Variants in C1orf21 observed in about 807,000 individuals in gnomAD.
C1orf21 encodes uncharacterized protein C1orf21.
In C1orf21, 3 loss-of-function variants were observed where a neutral mutation model predicts 18.7. That is an observed-to-expected ratio of 0.16 (90% CI 0.07 to 0.42). The LOEUF is 0.42. Among genes scored for constraint, C1orf21 ranks in the 10% least tolerant of loss-of-function variants. The pLI is 0.99. For synonymous variants in C1orf21, 41 were observed against 46.4 expected (o/e 0.88, Z 0.47); for missense variants, 104 against 143.6 (o/e 0.72, Z 1.41).
intron 2 of C1orf21, among the ~76,000 whole-genome samples, chr1:184,499,893 C>A (rs577871862): frequency 5.9e-5 from 9 of 152,206 alleles, no homozygotes; most frequent in African/African-American, 2.2e-4. Flanking sequence ...GAGTGGTTAC[C>A]AAGGATAACA....
At position 184,520,795 on chromosome 1, in the gene C1orf21, A is replaced by C. The variant is rs1658295687; in HGVS notation, c.189+13113A>C. On this transcript the variant is annotated intron_variant, in intron 3 of 5. Transcript: ENST00000235307. ...CTACTTGCTTGAATTACTTTAAAACATACTTTGGGAAATACAGAAGTGAAT... is the reference window on the plus strand; with the variant it reads ...CTACTTGCTTGAATTACTTTAAAACCTACTTTGGGAAATACAGAAGTGAAT... Among the ~76,000 whole-genome samples the C allele has an allele frequency of 2.0e-5, 3 of 152,254 alleles. No homozygotes were observed. In the South Asian group the frequency reaches 6.2e-4, roughly 31 times the overall value.
chr1:184,397,404 G>A (rs1412733263), intron 1 of C1orf21, among the ~76,000 whole-genome samples: 3 of 152,130 alleles, frequency 2.0e-5, no homozygotes, highest in African/African-American at 7.2e-5. Flanking sequence ...GGCTAACACG[G>A]TGAAACCCCG....
chr1:184,604,433 G>C (rs1459868544), intron 5 of C1orf21, among the ~76,000 whole-genome samples: 2 of 152,178 alleles, frequency 1.3e-5, no homozygotes, highest in East Asian at 3.8e-4. Flanking sequence ...GTTTAGCAGT[G>C]GGCAGGGCTG....
chr1:184,619,286 A>G (rs562229725), intron 5 of C1orf21, among the ~76,000 whole-genome samples: 2 of 152,314 alleles, frequency 1.3e-5, no homozygotes, highest in South Asian at 4.1e-4. Flanking sequence ...ACCAACATAA[A>G]GTAAGGGCTT....
intron 3 of C1orf21, among the ~76,000 whole-genome samples, chr1:184,547,798 A>G (rs1307840836): frequency 1.3e-5 from 2 of 152,222 alleles, no homozygotes; most frequent in East Asian, 3.8e-4. Context: ...GCTCCTCTCT[A>G]GAAAAAAGGT....
intron 5 of C1orf21, among the ~76,000 whole-genome samples, chr1:184,601,589 G>C (rs1659585134): frequency 6.6e-6 from 1 of 152,128 alleles, no homozygotes; most frequent in Non-Finnish European, 1.5e-5. Context: ...ATAAAAAGCA[G>C]GTAGCAGAAA....
At chr1:184,449,385 T>G (rs1283732121) in intron 1 of C1orf21, among the ~76,000 whole-genome samples, 1 of 152,192 alleles carries the variant, frequency 6.6e-6, no homozygotes, top group Non-Finnish European at 1.5e-5. Context: ...GAACTCATCA[T>G]TTTTTATGGC....
At chr1:184,479,137 A>G (rs1041229959) in intron 2 of C1orf21, among the ~76,000 whole-genome samples, 5 of 152,224 alleles carry the variant, frequency 3.3e-5, no homozygotes, top group South Asian at 4.1e-4. Context: ...ACTGGTAACT[A>G]CCTATAGCAT....
intron 1 of C1orf21, among the ~76,000 whole-genome samples, chr1:184,462,799 C>T (rs574798110): frequency 1.3e-4 from 20 of 152,086 alleles, no homozygotes; most frequent in South Asian, 1.0e-3. Context: ...TTATAGTGTT[C>T]GGCCGGGTGT....
chr1:184,415,251 G>A (rs2101964119), intron 1 of C1orf21, among the ~76,000 whole-genome samples: 1 of 152,282 alleles, frequency 6.6e-6, no homozygotes, highest in South Asian at 2.1e-4. Flanking sequence ...CTCTCCTGTT[G>A]GCTTTACTAC....
chr1:184,472,448 T>C (rs1283826998), intron 1 of C1orf21, among the ~76,000 whole-genome samples: 1 of 152,204 alleles, frequency 6.6e-6, no homozygotes, highest in Non-Finnish European at 1.5e-5. Flanking sequence ...GTGCCTTTCT[T>C]GACAGGGAAT....
At chr1:184,461,823 G>A (rs945590477) in intron 1 of C1orf21, among the ~76,000 whole-genome samples, 57 of 151,930 alleles carry the variant, frequency 3.8e-4, no homozygotes, top group African/African-American at 1.4e-3. Flanking sequence ...TATTTTTGCC[G>A]CTGCTGGAAT....
At position 184,618,676 on chromosome 1, in the gene C1orf21, TAAAAGA is replaced by T. The variant is rs549529956; in HGVS notation, c.328-830_328-825del. The stretch of plus-strand genomic sequence containing the variant: ...AAAATGAAACATGTAGTGTGTATTT[TAAAAGA>T]AAAAGAAAAAGTTGAAGGAAACAAA... On this transcript the variant is annotated intron_variant, in intron 5 of 5. Coordinates refer to ENST00000235307, the MANE Select transcript of C1orf21 (RefSeq NM_030806.4). Among the ~76,000 whole-genome samples the T allele has an allele frequency of 2.0e-3, 302 of 147,518 alleles. 2 individuals are homozygous for T. The highest frequency in any genetic ancestry group is 7.2e-3 in the African/African-American group (290 of 40,512).
chr1:184,492,670 G>A (rs1201668878), intron 2 of C1orf21, among the ~76,000 whole-genome samples: 1 of 152,164 alleles, frequency 6.6e-6, no homozygotes, highest in East Asian at 1.9e-4. Flanking sequence ...TTGTATCTCT[G>A]CTTCCACCTT....
At position 184,598,402 on chromosome 1, in the gene C1orf21, A is replaced by T; in HGVS notation, c.268A>T (p.Met90Leu). 2 of 1,613,700 alleles carry T rather than the reference A, an allele frequency of 1.2e-6. No individual in the cohort carries two copies. The highest frequency in any genetic ancestry group is 1.7e-6 in the Non-Finnish European group (2 of 1,179,894). ...ACTTAACTACCCTTTGTTTTTCAGCATGCACATCTCTGAAAGCCAACAAGA... is the reference window on the plus strand; with the variant it reads ...ACTTAACTACCCTTTGTTTTTCAGCTTGCACATCTCTGAAAGCCAACAAGA... ...PGLVHQPRANMHISESQQEFF... is the reference protein window; with the variant it reads ...PGLVHQPRANLHISESQQEFF... The change falls in exon 5 of 6, where the codon ATG becomes TTG. Residue 90 changes from methionine (M) to leucine (L), a missense_variant and splice_region_variant. Physicochemically the swap from Met to Leu is conservative, Grantham distance 15. Coordinates refer to ENST00000235307, the MANE Select transcript of C1orf21 (RefSeq NM_030806.4).
At chr1:184,425,288 G>A (rs901524158) in intron 1 of C1orf21, among the ~76,000 whole-genome samples, 1 of 149,062 alleles carries the variant, frequency 6.7e-6, no homozygotes, top group Non-Finnish European at 1.5e-5. Context: ...TTTTCCTTGA[G>A]ACAAGGTCTC....
chr1:184,612,291 A>G (rs778153248), intron 5 of C1orf21, among the ~76,000 whole-genome samples: 3 of 152,228 alleles, frequency 2.0e-5, no homozygotes, highest in African/African-American at 4.8e-5. Context: ...AACTTCTGTC[A>G]TGAGCCTTTA....
chr1:184,472,961 G>T (rs1310154816), intron 1 of C1orf21, among the ~76,000 whole-genome samples: 1 of 152,218 alleles, frequency 6.6e-6, no homozygotes, highest in African/African-American at 2.4e-5. Flanking sequence ...CAAATTTGCT[G>T]ATTATTTTAT....
intron 3 of C1orf21, among the ~76,000 whole-genome samples, chr1:184,558,526 T>TG (rs1386821181): frequency 6.6e-6 from 1 of 152,202 alleles, no homozygotes; most frequent in Non-Finnish European, 1.5e-5. Context: ...GAAAGAAGTT[T>TG]GGAGGTCAAA....
Sources: gnomAD v4.1 joint callset for allele counts (sites outside exome capture counted in the v4.1 genomes callset) on GRCh38, gnomAD v4.1.1 for gene constraint, MANE v1.5 for transcripts, NCBI Gene and HGNC (gene_info 2026-07-23, HGNC 2026-07-21) for gene names.